The following ANAPC2 variants were observed in gnomAD, a reference collection of about 807,000 sequenced individuals.
ANAPC2 encodes the protein anaphase-promoting complex subunit 2.
Under a neutral mutation model 84.3 loss-of-function variants are expected in ANAPC2, and 29 were observed. The observed-to-expected ratio is 0.34, with a 90% confidence interval of 0.26 to 0.47. The LOEUF (loss-of-function observed/expected upper bound fraction) is 0.47, where lower values mean the gene tolerates loss of function less well. Among genes scored for constraint, ANAPC2 ranks in the 20% least tolerant of loss-of-function variants. The pLI, the probability that ANAPC2 is intolerant of heterozygous loss-of-function variation, is 1.00. For missense variants in ANAPC2, 857 were observed against 1,131.7 expected (o/e 0.76, Z 3.48); for synonymous variants, 571 against 479.4 (o/e 1.19, Z -2.50).
chr9:137,187,426 G>T lies in ANAPC2; in HGVS notation c.740+55C>A, dbSNP rs1834499717. On this transcript the variant is annotated intron_variant, in intron 2 of 12. Coordinates refer to ENST00000323927, the MANE Select transcript of ANAPC2 (RefSeq NM_013366.4). ...CTGCTGAGGCCAGCTGGACCCAGGG[G>T]AGCAGCGGGGAACCAGAAGGAGCAA... is the stretch of plus-strand genomic sequence containing the variant. 4 of 1,551,004 alleles carry T rather than the reference G, an allele frequency of 2.6e-6. No individual in the cohort carries two copies. In the Admixed American group the frequency reaches 5.4e-5, roughly 21 times the overall value.
In ANAPC2 at chr9:137,188,107, G is replaced by A. The variant is rs1224268836; in HGVS notation, c.118-4C>T. 6.2e-7 allele frequency: 1 copy of A among 1,608,634 alleles called. No individual in the cohort carries two copies. Among genetic ancestry groups the A allele is most frequent in the East Asian group, 2.2e-5 (1 of 44,846 alleles). On this transcript the variant is annotated splice_polypyrimidine_tract_variant and splice_region_variant and intron_variant, in intron 1 of 12. Coordinates refer to ENST00000323927, the MANE Select transcript of ANAPC2 (RefSeq NM_013366.4). Reference sequence around the variant, plus strand: ...CACCGCTGGTCCGGGAAGACACCTGGGGTGCAGAAAACCGTGAGGCGAGGG... The same window carrying A: ...CACCGCTGGTCCGGGAAGACACCTGAGGTGCAGAAAACCGTGAGGCGAGGG...
chr9:137,178,431 C>T, intron 10 of ANAPC2, among the ~76,000 whole-genome samples: 1 of 152,248 alleles, frequency 6.6e-6, no homozygotes, highest in Non-Finnish European at 1.5e-5. Context: ...CACATCAGGC[C>T]TGAGCAACAG....
intron 10 of ANAPC2, chr9:137,176,229 A>T: frequency 5.8e-6 from 1 of 171,090 alleles, no homozygotes; most frequent in Non-Finnish European, 1.2e-5. Flanking sequence ...ACGAAGACAG[A>T]GACCACCTGG....
chr9:137,185,680 G>A (rs768419027), intron 3 of ANAPC2, among the ~76,000 whole-genome samples: 19 of 152,194 alleles, frequency 1.2e-4, no homozygotes, highest in Non-Finnish European at 2.4e-4. Flanking sequence ...AAGGACAGGT[G>A]ACACATGGGA....
chr9:137,180,464 T>C lies in ANAPC2; in HGVS notation c.1674A>G (p.Glu558=), dbSNP rs149530100. The change falls in exon 9 of 13, where the codon GAA becomes GAG. Residue 558 remains glutamate (E), a synonymous_variant. Transcript: ENST00000323927. ...RFGEAPMHFC[E]VMLKDMADSR... ...GGCTGGGACCCACCTTCAGCATGAC[T>C]TCACAGAAGTGCATTGGGGCCTCGC... The C allele has an allele frequency of 8.9e-5, 143 of 1,612,850 alleles. No individual in the cohort carries two copies. The highest frequency in any genetic ancestry group is 1.1e-4 in the Non-Finnish European group (132 of 1,179,926).
chr9:137,180,049 C>G, intron 10 of ANAPC2, 132 bp downstream of exon 10: 1 of 957,136 alleles, frequency 1.0e-6, no homozygotes, highest in South Asian at 1.7e-5. Context: ...CCTGCAGAGG[C>G]GGCTGCGAGA....
Position 137,181,660 on chromosome 9 carries a change from GAC to G in ANAPC2, c.1468+19_1468+20del. On this transcript the variant is annotated intron_variant, in intron 7 of 12. Transcript: ENST00000323927. ...AAGCGCCCCCCACACTGGTGAAAGG[GAC>G]CATGTGGGGCAAGCTAACCTGGATC... 1.3e-6 allele frequency: 2 copies of G among 1,573,446 alleles called. No homozygotes were observed. The highest frequency in any genetic ancestry group is 1.7e-6 in the Non-Finnish European group (2 of 1,155,492).
At position 137,181,279 on chromosome 9, in the gene ANAPC2, C is replaced by T. The variant is rs184031285; in HGVS notation, c.1469-350G>A. ...GGCCTGGGCCCCATAGCCCTCAGAG[C>T]CCTCGCAGACGAGGGCCAGGCACAG... On this transcript the variant is annotated intron_variant, in intron 7 of 12. Transcript: ENST00000323927. Among the ~76,000 whole-genome samples, 344 of 152,364 alleles carry T rather than the reference C, an allele frequency of 2.3e-3. 2 individuals carry two copies. Among genetic ancestry groups the T allele is most frequent in the East Asian group, 4.2e-3 (22 of 5,186 alleles).
intron 3 of ANAPC2, 74 bp from the exon 4 acceptor site, chr9:137,185,161 C>T: frequency 7.1e-7 from 1 of 1,410,134 alleles, no homozygotes; most frequent in Non-Finnish European, 9.3e-7. Flanking sequence ...CTGGGAGGAG[C>T]CTCACGGCCA....
At chr9:137,181,408 G>A (rs953228665) in intron 7 of ANAPC2, among the ~76,000 whole-genome samples, 2 of 152,192 alleles carry the variant, frequency 1.3e-5, no homozygotes, top group Non-Finnish European at 2.9e-5. Flanking sequence ...AGGTGCAGTG[G>A]CGGGGCAGGG....
intron 2 of ANAPC2, chr9:137,186,766 G>A (rs1016223662): frequency 5.2e-6 from 1 of 194,084 alleles, no homozygotes; most frequent in Non-Finnish European, 1.1e-5. Flanking sequence ...GCAGTCTCTG[G>A]TCTACAGTGA....
At position 137,181,865 on chromosome 9, in the gene ANAPC2, G is replaced by A. The variant is rs748858129; in HGVS notation, c.1287-3C>T. 3 of 1,600,014 alleles carry A rather than the reference G, an allele frequency of 1.9e-6. No homozygotes were observed. Among genetic ancestry groups the A allele is most frequent in the Non-Finnish European group, 2.5e-6 (3 of 1,177,646 alleles). ...GCCGCACTGTGTCCTCCCGCGTCCT[G>A]CCGATGTGAGTGCTGCTGTGGCCCA... is the stretch of plus-strand genomic sequence containing the variant. On this transcript the variant is annotated splice_polypyrimidine_tract_variant and splice_region_variant and intron_variant, in intron 6 of 12. Coordinates refer to ENST00000323927, the MANE Select transcript of ANAPC2 (RefSeq NM_013366.4).
At chr9:137,181,071 C>G in intron 7 of ANAPC2, 142 bp from the exon 8 acceptor site, 1 of 1,077,948 alleles carries the variant, frequency 9.3e-7, no homozygotes, top group Non-Finnish European at 1.3e-6. Flanking sequence ...AGCCCTGAGC[C>G]TCCCGGGAGA....
intron 1 of ANAPC2, 46 bp from the exon 2 acceptor site, chr9:137,188,149 T>G (rs1564380549): frequency 3.2e-6 from 5 of 1,576,760 alleles, no homozygotes; most frequent in South Asian, 1.1e-5. Context: ...AACATAGAGG[T>G]GGGGAGAGGC....
chr9:137,183,820 C>T (rs758295105), intron 4 of ANAPC2, 29 bp from the exon 5 acceptor site: 1 of 1,611,388 alleles, frequency 6.2e-7, no homozygotes, highest in East Asian at 2.2e-5. Flanking sequence ...CCCTCAGGGA[C>T]AGACATGGAT....
At chr9:137,177,369 G>A (rs559610206) in intron 10 of ANAPC2, among the ~76,000 whole-genome samples, 5 of 149,692 alleles carry the variant, frequency 3.3e-5, no homozygotes, top group South Asian at 2.1e-4. Context: ...CTTGTCTTAC[G>A]GCTGAACTTT....
chr9:137,187,549 G>A lies in ANAPC2; in HGVS notation c.672C>T (p.Cys224=). The A allele has an allele frequency of 1.9e-6, 3 of 1,613,844 alleles. No individual in the cohort carries two copies. Among genetic ancestry groups the A allele is most frequent in the South Asian group, 2.2e-5 (2 of 91,084 alleles). Residue 224 remains cysteine, a synonymous_variant, in exon 2 of 13, where the codon TGC becomes TGT. Transcript: ENST00000323927. ...ACCAGCACTGTTGCTTGTCACTGCT[G>A]CACCCTGCACACAGCGGGCTCTGCA... ...RLLQSPLCAG[C]SSDKQQCWCR...
chr9:137,186,221 C>T lies in ANAPC2; in HGVS notation c.873+3G>A, dbSNP rs945228060. 1 of 1,612,560 alleles carries T rather than the reference C, an allele frequency of 6.2e-7. No homozygotes were observed. Among genetic ancestry groups the T allele is most frequent in the African/African-American group, 1.3e-5 (1 of 75,050 alleles). On this transcript the variant is annotated splice_donor_region_variant and intron_variant, in intron 3 of 12. Transcript: ENST00000323927. Reference sequence around the variant, plus strand: ...GGGCACAGCCCAAGGGAGGGGTCCTCACCTTGTGGAACTCACGCAGGAAGG... The same window carrying T: ...GGGCACAGCCCAAGGGAGGGGTCCTTACCTTGTGGAACTCACGCAGGAAGG...
chr9:137,182,115 C>T (rs920105224), intron 6 of ANAPC2, among the ~76,000 whole-genome samples: 4 of 152,226 alleles, frequency 2.6e-5, no homozygotes, highest in African/African-American at 9.7e-5. Flanking sequence ...CATAGGGACA[C>T]TAAGCCAGAA....
Sources: gnomAD v4.1 joint callset for allele counts (sites outside exome capture counted in the v4.1 genomes callset) on GRCh38, gnomAD v4.1.1 for gene constraint, MANE v1.5 for transcripts, NCBI Gene and HGNC (gene_info 2026-07-23, HGNC 2026-07-21) for gene names.